Variants in AP3S1 observed in about 807,000 individuals in gnomAD.
AP3S1 encodes the protein AP-3 complex subunit sigma-1.
AP3S1 carries 12 observed loss-of-function variants against 21.3 expected under a neutral mutation model. That is an observed-to-expected ratio of 0.56 (90% CI 0.36 to 0.91). The LOEUF (loss-of-function observed/expected upper bound fraction) is 0.91, where lower values mean the gene tolerates loss of function less well. Ranked by LOEUF, AP3S1 falls within the 40% of genes least tolerant of loss-of-function variation. AP3S1 has a pLI of 0.01. For missense variants in AP3S1, 116 were observed against 225.0 expected, an observed-to-expected ratio of 0.52 and a Z score of 3.10; for synonymous variants, 48 against 78.4, an observed-to-expected ratio of 0.61 and a Z score of 2.05.
chr5:115,882,699 A>C (rs1749413890), intron 3 of AP3S1, among the ~76,000 whole-genome samples: 1 of 152,180 alleles, frequency 6.6e-6, no homozygotes, highest in African/African-American at 2.4e-5. Flanking sequence ...TTGAGGAGGC[A>C]GTCTGTCTCT....
At chr5:115,850,244 C>T (rs1762343721) in intron 1 of AP3S1, among the ~76,000 whole-genome samples, 1 of 152,132 alleles carries the variant, frequency 6.6e-6, no homozygotes, top group Non-Finnish European at 1.5e-5. Flanking sequence ...TTTTGATTAC[C>T]TTGTGCTTAC....
At chr5:115,873,930 C>CGGTA (rs947429971) in intron 3 of AP3S1, among the ~76,000 whole-genome samples, 24 of 151,948 alleles carry the variant, frequency 1.6e-4, no homozygotes. Context: ...AAAGTGATAC[C>CGGTA]ATTCATATAA....
intron 5 of AP3S1, among the ~76,000 whole-genome samples, chr5:115,911,050 T>C (rs979697421): frequency 1.1e-4 from 16 of 152,178 alleles, no homozygotes; most frequent in African/African-American, 3.4e-4. Context: ...TGGTTTTACA[T>C]ATTAAGCACA....
chr5:115,907,129 C>A, intron 5 of AP3S1: 1 of 408,454 alleles, frequency 2.4e-6, no homozygotes. Context: ...TTTTTAAACA[C>A]TTGTCATCTA....
chr5:115,852,727 T>G (rs1481712460), intron 1 of AP3S1, among the ~76,000 whole-genome samples: 2 of 152,182 alleles, frequency 1.3e-5, no homozygotes, highest in African/African-American at 2.4e-5. Flanking sequence ...ATTACAGTCT[T>G]GTGATTGGCT....
chr5:115,863,950 A>C (rs553392192), intron 1 of AP3S1, among the ~76,000 whole-genome samples: 4 of 152,352 alleles, frequency 2.6e-5, no homozygotes, highest in African/African-American at 9.6e-5. Flanking sequence ...CATTGCAGAG[A>C]AAAGATGTCT....
chr5:115,857,515 C>T (rs888703029), intron 1 of AP3S1, among the ~76,000 whole-genome samples: 2 of 152,052 alleles, frequency 1.3e-5, no homozygotes, highest in East Asian at 1.9e-4. Context: ...TATTTACTCT[C>T]CTCCTTTCCT....
At chr5:115,846,020 C>CT (rs1762036538) in intron 1 of AP3S1, among the ~76,000 whole-genome samples, 1 of 151,992 alleles carries the variant, frequency 6.6e-6, no homozygotes, top group Non-Finnish European at 1.5e-5. Context: ...AACCTTTAGT[C>CT]TTTTAATACT....
intron 3 of AP3S1, 57 bp downstream of exon 3, chr5:115,870,185 A>G: frequency 1.8e-6 from 2 of 1,082,306 alleles, no homozygotes; most frequent in South Asian, 2.9e-5. Flanking sequence ...TTAAATTTTT[A>G]AAAACTTATA....
chr5:115,866,602 TA>T, intron 1 of AP3S1, 67 bp from the exon 2 acceptor site: 1 of 1,114,572 alleles, frequency 9.0e-7, no homozygotes, highest in Non-Finnish European at 1.2e-6. Flanking sequence ...CCTTTGATTT[TA>T]AAAATTCTTA....
At chr5:115,892,892 A>G (rs1467680424) in intron 3 of AP3S1, among the ~76,000 whole-genome samples, 2 of 152,220 alleles carry the variant, frequency 1.3e-5, no homozygotes. Context: ...ATTATCATGC[A>G]TTGCATGCCT....
intron 1 of AP3S1, 115 bp downstream of exon 1, chr5:115,842,221 C>A: frequency 7.2e-7 from 1 of 1,388,748 alleles, no homozygotes; most frequent in East Asian, 3.0e-5. Context: ...TTGTCCCGTC[C>A]CGGCCGCCTG....
At chr5:115,863,274 G>A (rs1763337397) in intron 1 of AP3S1, among the ~76,000 whole-genome samples, 2 of 152,192 alleles carry the variant, frequency 1.3e-5, no homozygotes, top group Non-Finnish European at 2.9e-5. Flanking sequence ...GTGGGCGCCT[G>A]TAATCCCAGC....
intron 1 of AP3S1, among the ~76,000 whole-genome samples, chr5:115,851,589 G>C (rs570526011): frequency 1.1e-4 from 16 of 152,180 alleles, no homozygotes; most frequent in Non-Finnish European, 2.2e-4. Flanking sequence ...GGGTCTGTTT[G>C]TGTGTTTATT....
At chr5:115,849,714 A>G (rs532671436) in intron 1 of AP3S1, among the ~76,000 whole-genome samples, 1 of 152,242 alleles carries the variant, frequency 6.6e-6, no homozygotes, top group South Asian at 2.1e-4. Flanking sequence ...CTACCCAGTT[A>G]TTGTTAGGCT....
At chr5:115,901,722 TTGTC>T (rs1751231855) in intron 4 of AP3S1, among the ~76,000 whole-genome samples, 1 of 151,886 alleles carries the variant, frequency 6.6e-6, no homozygotes, top group Non-Finnish European at 1.5e-5. Flanking sequence ...GCCTGGCTAA[TTGTC>T]TGCATTTTTT....
At chr5:115,887,415 T>C (rs1463581519) in intron 3 of AP3S1, among the ~76,000 whole-genome samples, 1 of 151,858 alleles carries the variant, frequency 6.6e-6, no homozygotes, top group Non-Finnish European at 1.5e-5. Flanking sequence ...GATCTGTTTC[T>C]CCTGAATTTT....
At chr5:115,860,177 G>A (rs1361632872) in intron 1 of AP3S1, among the ~76,000 whole-genome samples, 2 of 152,308 alleles carry the variant, frequency 1.3e-5, no homozygotes, top group East Asian at 3.9e-4. Flanking sequence ...CAGTATATCT[G>A]TGATTCTTTT....
chr5:115,875,016 T>A (rs534695739), intron 3 of AP3S1, among the ~76,000 whole-genome samples: 2 of 152,286 alleles, frequency 1.3e-5, no homozygotes, highest in East Asian at 3.9e-4. Flanking sequence ...AGATATTTCA[T>A]GTGAAACCCA....
Sources: gnomAD v4.1 joint callset for allele counts (sites outside exome capture counted in the v4.1 genomes callset) on GRCh38, gnomAD v4.1.1 for gene constraint, MANE v1.5 for transcripts, NCBI Gene and HGNC (gene_info 2026-07-23, HGNC 2026-07-21) for gene names.